The following GRXCR1 variants were observed in gnomAD, a reference collection of about 807,000 sequenced individuals.
The protein encoded by GRXCR1 is glutaredoxin and cysteine rich domain containing 1.
Under a neutral mutation model 27.3 loss-of-function variants are expected in GRXCR1, and 27 were observed. That is an observed-to-expected ratio of 0.99 (90% CI 0.73 to 1.37). GRXCR1 has a LOEUF of 1.37. Among genes scored for constraint, GRXCR1 ranks in the 40% most tolerant of loss-of-function variants. GRXCR1 has a pLI of 0.00. For missense variants in GRXCR1, 379 were observed against 354.4 expected (o/e 1.07, Z -0.56); for synonymous variants, 122 against 131.1 (o/e 0.93, Z 0.47).
chr4:42,901,430 C>G (rs1339711379), intron 1 of GRXCR1, among the ~76,000 whole-genome samples: 1 of 152,160 alleles, frequency 6.6e-6, no homozygotes, highest in Admixed American at 6.5e-5. Flanking sequence ...CTTCCAAAGG[C>G]TGTCCACATT....
chr4:42,918,630 AT>A (rs1257978066), intron 1 of GRXCR1, among the ~76,000 whole-genome samples: 1 of 152,090 alleles, frequency 6.6e-6, no homozygotes, highest in Admixed American at 6.6e-5. Context: ...CTTTCCATTA[AT>A]TTTGTAACAA....
Position 42,893,111 on chromosome 4 carries a change from T to C in GRXCR1, c.-156T>C, listed in dbSNP as rs994740541. ...TTTATTATTAATAGCAGAGACACACTGTAAGTCCTTGGGAATCTTCTTTCC... is the reference window on the plus strand; with the variant it reads ...TTTATTATTAATAGCAGAGACACACCGTAAGTCCTTGGGAATCTTCTTTCC... On this transcript the variant is annotated 5_prime_UTR_variant, in exon 1 of 4. Transcript: ENST00000399770. Among the ~76,000 whole-genome samples the C allele has an allele frequency of 2.6e-5, 4 of 152,084 alleles. No individual in the cohort carries two copies. The highest frequency in any genetic ancestry group is 9.7e-5 in the African/African-American group (4 of 41,442).
intron 1 of GRXCR1, among the ~76,000 whole-genome samples, chr4:42,925,221 T>C (rs1471175808): frequency 6.6e-6 from 1 of 151,942 alleles, no homozygotes; most frequent in African/African-American, 2.4e-5. Flanking sequence ...CAAGATTACA[T>C]GTTTTTGGAA....
At chr4:42,968,965 G>A (rs1157753342) in intron 2 of GRXCR1, among the ~76,000 whole-genome samples, 1 of 152,078 alleles carries the variant, frequency 6.6e-6, no homozygotes, top group East Asian at 1.9e-4. Context: ...GTCTGCCAAG[G>A]TGATCAAAGC....
intron 2 of GRXCR1, among the ~76,000 whole-genome samples, chr4:43,007,869 A>G (rs1037285662): frequency 6.6e-6 from 1 of 152,118 alleles, no homozygotes; most frequent in African/African-American, 2.4e-5. Context: ...TTTGGCTTTT[A>G]CTCTCACACC....
At chr4:42,967,758 A>C (rs975620325) in intron 2 of GRXCR1, among the ~76,000 whole-genome samples, 3 of 152,082 alleles carry the variant, frequency 2.0e-5, no homozygotes, top group African/African-American at 4.8e-5. Flanking sequence ...GCTGAGATAC[A>C]GTTAAGTTTC....
At chr4:42,963,367 G>T (rs1020255482) in intron 2 of GRXCR1, among the ~76,000 whole-genome samples, 1 of 151,974 alleles carries the variant, frequency 6.6e-6, no homozygotes, top group African/African-American at 2.4e-5. Context: ...TTTTTGAATA[G>T]AAATAAATGT....
At chr4:42,954,142 ATG>A (rs554971479) in intron 1 of GRXCR1, among the ~76,000 whole-genome samples, 157 of 152,278 alleles carry the variant, frequency 1.0e-3, no homozygotes, top group African/African-American at 3.7e-3. Flanking sequence ...TTATGTCTTA[ATG>A]TGTGTGGATA....
At chr4:42,940,283 C>G (rs1239543355) in intron 1 of GRXCR1, among the ~76,000 whole-genome samples, 1 of 152,060 alleles carries the variant, frequency 6.6e-6, no homozygotes, top group Non-Finnish European at 1.5e-5. Context: ...AATATTCTTA[C>G]CAATTTATGG....
At chr4:42,926,591 A>G (rs918989235) in intron 1 of GRXCR1, among the ~76,000 whole-genome samples, 1 of 151,720 alleles carries the variant, frequency 6.6e-6, no homozygotes, top group South Asian at 2.1e-4. Context: ...GTGCTGTACA[A>G]TTTTACTATT....
At chr4:42,913,617 T>C (rs1354720451) in intron 1 of GRXCR1, among the ~76,000 whole-genome samples, 3 of 152,156 alleles carry the variant, frequency 2.0e-5, no homozygotes, top group Non-Finnish European at 4.4e-5. Context: ...GAAAAACCCA[T>C]TTTCTGGGGA....
chr4:43,021,457 C>T (rs1343013822), intron 3 of GRXCR1, among the ~76,000 whole-genome samples: 1 of 152,124 alleles, frequency 6.6e-6, no homozygotes, highest in East Asian at 1.9e-4. Flanking sequence ...GAACTAGATG[C>T]TCCTTGATTG....
At chr4:42,925,904 T>C (rs1258303341) in intron 1 of GRXCR1, among the ~76,000 whole-genome samples, 1 of 152,094 alleles carries the variant, frequency 6.6e-6, no homozygotes, top group Non-Finnish European at 1.5e-5. Flanking sequence ...GTGAGAACTT[T>C]AGTGTAGAAG....
intron 3 of GRXCR1, 75 bp from the exon 4 acceptor site, chr4:43,030,286 A>G: frequency 1.4e-5 from 19 of 1,374,158 alleles, no homozygotes; most frequent in Non-Finnish European, 2.0e-5. Flanking sequence ...CAGTTCAGAA[A>G]GACCGGGAGG....
At chr4:42,979,897 T>C (rs1748609360) in intron 2 of GRXCR1, among the ~76,000 whole-genome samples, 1 of 152,068 alleles carries the variant, frequency 6.6e-6, no homozygotes, top group Admixed American at 6.6e-5. Context: ...CTTTGCAAGT[T>C]GTATATGTCC....
intron 1 of GRXCR1, among the ~76,000 whole-genome samples, chr4:42,960,354 G>T (rs575696562): frequency 6.6e-6 from 1 of 151,866 alleles, no homozygotes; most frequent in East Asian, 1.9e-4. Flanking sequence ...AGAGAACTTC[G>T]GTGCTCTTCT....
At chr4:43,011,285 C>A (rs768290647) in intron 2 of GRXCR1, among the ~76,000 whole-genome samples, 1 of 152,168 alleles carries the variant, frequency 6.6e-6, no homozygotes, top group African/African-American at 2.4e-5. Context: ...TGAAGGAGAA[C>A]TTTATAGACT....
intron 1 of GRXCR1, among the ~76,000 whole-genome samples, chr4:42,918,946 TG>T (rs1384721910): frequency 6.6e-6 from 1 of 152,218 alleles, no homozygotes; most frequent in East Asian, 1.9e-4. Flanking sequence ...AAAAGAGAGA[TG>T]GTCAAAACAC....
At chr4:42,962,038 C>A (rs1408563050) in intron 1 of GRXCR1, among the ~76,000 whole-genome samples, 1 of 151,968 alleles carries the variant, frequency 6.6e-6, no homozygotes, top group African/African-American at 2.4e-5. Context: ...AGAAGAGAAG[C>A]TTTCTTATTG....
Sources: gnomAD v4.1 joint callset for allele counts (sites outside exome capture counted in the v4.1 genomes callset) on GRCh38, gnomAD v4.1.1 for gene constraint, MANE v1.5 for transcripts, NCBI Gene and HGNC (gene_info 2026-07-23, HGNC 2026-07-21) for gene names.